ICOS: variants seen among roughly 807,000 people sequenced by gnomAD.
The protein encoded by ICOS is inducible T cell costimulator.
In ICOS, 15 loss-of-function variants were observed where a neutral mutation model predicts 24.6. The ratio of observed to expected loss-of-function variants is 0.61; its 90% CI spans 0.41 to 0.94. The LOEUF is 0.94. Among genes scored for constraint, ICOS ranks in the 40% least tolerant of loss-of-function variants. ICOS has a pLI of 0.00. For synonymous variants in ICOS, 89 were observed against 77.5 expected (o/e 1.15, Z -0.78); for missense variants, 200 against 233.0 (o/e 0.86, Z 0.92).
At chr2:203,941,273 C>T (rs1407402650) in intron 1 of ICOS, among the ~76,000 whole-genome samples, 1 of 151,970 alleles carries the variant, frequency 6.6e-6, no homozygotes, top group African/African-American at 2.4e-5. Flanking sequence ...ATCTTGAGTC[C>T]CTTATTTTTT....
At chr2:203,949,237 G>A (rs553911061) in intron 1 of ICOS, among the ~76,000 whole-genome samples, 2 of 152,182 alleles carry the variant, frequency 1.3e-5, no homozygotes, top group South Asian at 2.1e-4. Context: ...GAAATTAGGC[G>A]TTCTTCCTGC....
chr2:203,960,200 G>T lies in ICOS; in HGVS notation c.*601G>T. 6.2e-6 allele frequency: 1 copy of T among 160,722 alleles called. No homozygotes were observed. Among genetic ancestry groups the T allele is most frequent in the Non-Finnish European group, 1.4e-5 (1 of 72,330 alleles). 10.0% of individuals were successfully genotyped at this position (160,722 alleles called of 1,614,324 possible). On this transcript the variant is annotated 3_prime_UTR_variant, in exon 5 of 5. Transcript: ENST00000316386. ...TTACCAAGACTTTAGATGCTTTCTT[G>T]TGCCCTCAATTTTCTTTTTAAAAAT...
At position 203,961,391 on chromosome 2, in the gene ICOS, C is replaced by T. The variant is rs1690176110; in HGVS notation, c.*1792C>T. 1 of 172,760 alleles carries T rather than the reference C, an allele frequency of 5.8e-6. No homozygotes were observed. The highest frequency in any genetic ancestry group is 6.4e-5 in the Admixed American group (1 of 15,698). 10.7% of individuals were successfully genotyped at this position (172,760 alleles called of 1,614,324 possible). On this transcript the variant is annotated 3_prime_UTR_variant, in exon 5 of 5. Transcript: ENST00000316386. ...GGAGGAGAACCTTCATGGTGGCCCA[C>T]CTGGCCTGGTTGTCCAAGCTGTGCC... is the stretch of plus-strand genomic sequence containing the variant.
At chr2:203,954,511 T>C (rs1690043488) in intron 1 of ICOS, among the ~76,000 whole-genome samples, 1 of 151,872 alleles carries the variant, frequency 6.6e-6, no homozygotes, top group South Asian at 2.1e-4. Flanking sequence ...GACCCTTGAG[T>C]CAAGGAAGTG....
chr2:203,959,155 G>A (rs1366470630), intron 4 of ICOS, among the ~76,000 whole-genome samples: 1 of 152,186 alleles, frequency 6.6e-6, no homozygotes, highest in Non-Finnish European at 1.5e-5. Flanking sequence ...CCTGCGGAGG[G>A]CATTAGCTTT....
In ICOS at chr2:203,953,134, T is replaced by C. The variant is rs559827099; in HGVS notation, c.59-2502T>C. Among the ~76,000 whole-genome samples the C allele has an allele frequency of 2.0e-3, 312 of 152,310 alleles. 2 individuals carry two copies. Among genetic ancestry groups the C allele is most frequent in the African/African-American group, 7.3e-3 (305 of 41,584 alleles). ...ATGAGGTCTGGTTTATTTCTTTACC[T>C]GTGCTCCAAGAATGTAACTCTTTGG... On this transcript the variant is annotated intron_variant, in intron 1 of 4. Coordinates refer to ENST00000316386, the MANE Select transcript of ICOS (RefSeq NM_012092.4).
At chr2:203,959,305 C>T (rs1207669565) in intron 4 of ICOS, among the ~76,000 whole-genome samples, 1 of 152,112 alleles carries the variant, frequency 6.6e-6, no homozygotes, top group Non-Finnish European at 1.5e-5. Context: ...GCTTTCTGCC[C>T]CAGCAGCAGC....
chr2:203,941,318 C>T (rs1013867647), intron 1 of ICOS, among the ~76,000 whole-genome samples: 1 of 152,136 alleles, frequency 6.6e-6, no homozygotes, highest in Non-Finnish European at 1.5e-5. Context: ...TCACAACTTG[C>T]TGTTGCTTGT....
chr2:203,952,827 T>C (rs1412257394), intron 1 of ICOS, among the ~76,000 whole-genome samples: 4 of 152,218 alleles, frequency 2.6e-5, no homozygotes, highest in Admixed American at 1.3e-4. Context: ...AATTCAGGTA[T>C]ATAAATCATG....
intron 1 of ICOS, among the ~76,000 whole-genome samples, chr2:203,937,228 T>C (rs1243809054): frequency 6.6e-6 from 1 of 152,144 alleles, no homozygotes; most frequent in African/African-American, 2.4e-5. Context: ...GAAAATTAAA[T>C]AGCTCTGGCA....
At chr2:203,954,454 T>A (rs1459382295) in intron 1 of ICOS, among the ~76,000 whole-genome samples, 1 of 152,020 alleles carries the variant, frequency 6.6e-6, no homozygotes, top group Non-Finnish European at 1.5e-5. Flanking sequence ...CCAGATATGG[T>A]GGTGTGTGCC....
intron 1 of ICOS, among the ~76,000 whole-genome samples, chr2:203,939,771 T>C (rs10932031): frequency 0.66 from 99,749 of 151,896 alleles, 35,311 homozygotes; most frequent in South Asian, 0.79. Context: ...ATGACTGACC[T>C]TGGAGCCCCT....
chr2:203,948,341 C>A (rs146304303), intron 1 of ICOS, among the ~76,000 whole-genome samples: 20 of 152,254 alleles, frequency 1.3e-4, no homozygotes, highest in African/African-American at 4.6e-4. Flanking sequence ...GTCACCTTTT[C>A]TGGCTCTAGT....
chr2:203,948,494 G>A (rs1019921440), intron 1 of ICOS, among the ~76,000 whole-genome samples: 7 of 151,978 alleles, frequency 4.6e-5, no homozygotes, highest in African/African-American at 1.5e-4. Flanking sequence ...TCATTTGTTC[G>A]CCCATCCAAC....
At chr2:203,937,144 A>T (rs996632470) in intron 1 of ICOS, among the ~76,000 whole-genome samples, 9 of 152,184 alleles carry the variant, frequency 5.9e-5, no homozygotes, top group African/African-American at 2.2e-4. Flanking sequence ...GTTACCTGTC[A>T]GTGGATAAAC....
At chr2:203,950,857 G>A (rs1458237105) in intron 1 of ICOS, among the ~76,000 whole-genome samples, 11 of 152,038 alleles carry the variant, frequency 7.2e-5, no homozygotes, top group Admixed American at 2.6e-4. Context: ...GTAAAGAGAT[G>A]GAGACCATCC....
chr2:203,951,671 A>G (rs1689976703), intron 1 of ICOS, among the ~76,000 whole-genome samples: 1 of 152,222 alleles, frequency 6.6e-6, no homozygotes, highest in Admixed American at 6.5e-5. Context: ...GTCTGTGTAT[A>G]CATGGTGACC....
chr2:203,947,453 C>A (rs1189384250), intron 1 of ICOS, among the ~76,000 whole-genome samples: 1 of 152,042 alleles, frequency 6.6e-6, no homozygotes, highest in Non-Finnish European at 1.5e-5. Context: ...GGATTACAGG[C>A]ACACACCACC....
At chr2:203,955,247 A>G (rs1462692428) in intron 1 of ICOS, among the ~76,000 whole-genome samples, 3 of 152,158 alleles carry the variant, frequency 2.0e-5, no homozygotes, top group Non-Finnish European at 4.4e-5. Context: ...TACCACCTTC[A>G]TTTAAATAGT....
Sources: allele counts gnomAD v4.1 joint callset (sites outside exome capture counted in the v4.1 genomes callset), GRCh38; gene constraint gnomAD v4.1.1; transcripts MANE v1.5; gene names NCBI Gene and HGNC (gene_info 2026-07-23, HGNC 2026-07-21).